Variants in MOXD1 observed in about 807,000 individuals in gnomAD.
MOXD1 encodes DBH-like monooxygenase protein 1.
A neutral mutation model predicts 66.6 loss-of-function variants in MOXD1; 62 were observed. The ratio of observed to expected loss-of-function variants is 0.93; its 90% CI spans 0.76 to 1.15. The LOEUF is 1.15. MOXD1 is among the 50% of genes most tolerant of loss of function. The pLI, the probability that MOXD1 is intolerant of heterozygous loss-of-function variation, is 0.00. For missense variants in MOXD1, 847 were observed against 754.6 expected (o/e 1.12, Z -1.44); for synonymous variants, 303 against 281.9 (o/e 1.07, Z -0.75).
At chr6:132,379,847 G>T (rs1427284170) in intron 1 of MOXD1, among the ~76,000 whole-genome samples, 3 of 151,986 alleles carry the variant, frequency 2.0e-5, no homozygotes, top group Non-Finnish European at 4.4e-5. Flanking sequence ...TTGAGACAGG[G>T]TCTCACTTTG....
intron 4 of MOXD1, among the ~76,000 whole-genome samples, chr6:132,334,915 A>G (rs1305892774): frequency 6.6e-6 from 1 of 152,238 alleles, no homozygotes; most frequent in African/African-American, 2.4e-5. Flanking sequence ...AACTTGAGCT[A>G]TACAGAGTGG....
chr6:132,378,793 A>G (rs1382463681), intron 1 of MOXD1, among the ~76,000 whole-genome samples: 1 of 148,266 alleles, frequency 6.7e-6, no homozygotes, highest in Non-Finnish European at 1.5e-5. Context: ...TTCACTTGGA[A>G]TTTTACCAAA....
At chr6:132,384,449 T>C (rs1050249154) in intron 1 of MOXD1, among the ~76,000 whole-genome samples, 2 of 152,218 alleles carry the variant, frequency 1.3e-5, no homozygotes, top group Non-Finnish European at 2.9e-5. Context: ...ATGGAACTTA[T>C]AGTTTAGTTG....
chr6:132,337,943 G>T (rs1303087325), intron 4 of MOXD1, among the ~76,000 whole-genome samples: 3 of 152,132 alleles, frequency 2.0e-5, no homozygotes, highest in African/African-American at 7.2e-5. Context: ...AGAAGTAGGA[G>T]TGTCCCAGAG....
intron 4 of MOXD1, among the ~76,000 whole-genome samples, chr6:132,351,177 G>A (rs541013126): frequency 6.6e-6 from 1 of 152,226 alleles, no homozygotes; most frequent in South Asian, 2.1e-4. Flanking sequence ...CCAGTACTAT[G>A]CTGAAGAGGG....
intron 4 of MOXD1, among the ~76,000 whole-genome samples, chr6:132,367,083 C>G (rs1163510717): frequency 6.6e-6 from 1 of 152,044 alleles, no homozygotes; most frequent in East Asian, 1.9e-4. Context: ...CTTCCTGTAG[C>G]AATTGATGAT....
intron 4 of MOXD1, among the ~76,000 whole-genome samples, chr6:132,337,778 C>A (rs976161014): frequency 6.6e-6 from 1 of 152,108 alleles, no homozygotes; most frequent in Non-Finnish European, 1.5e-5. Flanking sequence ...CTGTAAGGTA[C>A]CTTCTGTACC....
chr6:132,341,467 C>T (rs953147232), intron 4 of MOXD1, among the ~76,000 whole-genome samples: 3 of 152,162 alleles, frequency 2.0e-5, no homozygotes, highest in African/African-American at 7.2e-5. Flanking sequence ...TTGGAGAACA[C>T]TCTATTTCCC....
intron 4 of MOXD1, among the ~76,000 whole-genome samples, chr6:132,369,506 C>T (rs918032659): frequency 2.6e-5 from 4 of 151,918 alleles, no homozygotes; most frequent in Non-Finnish European, 5.9e-5. Context: ...GAGCTTTCTC[C>T]TTTTCACTTA....
chr6:132,358,381 CTA>C (rs2114637129), intron 4 of MOXD1, among the ~76,000 whole-genome samples: 1 of 152,350 alleles, frequency 6.6e-6, no homozygotes, highest in Non-Finnish European at 1.5e-5. Flanking sequence ...GGTTCCCACT[CTA>C]TGTTTACCAC....
In MOXD1 at chr6:132,324,018, G is replaced by C. The variant is rs150516086; in HGVS notation, c.1026C>G (p.Gly342=). ...RKYDAGVIEA[G]LWVSLFHTIP... ...TGGTATGGAAGAGGCTCACCCAGAG[G>C]CCAGCCTCAATCACCCCAGCATCAT... The change falls in exon 7 of 12, where the codon GGC becomes GGG. Residue 342 remains glycine, a synonymous_variant. Coordinates refer to ENST00000367963, the MANE Select transcript of MOXD1 (RefSeq NM_015529.4). 2,084 of 1,613,758 alleles carry C rather than the reference G, an allele frequency of 1.3e-3. 1 individual carries two copies. The highest frequency in any genetic ancestry group is 1.7e-3 in the Non-Finnish European group (1,977 of 1,179,882).
chr6:132,313,787 C>A (rs959961096), intron 10 of MOXD1, among the ~76,000 whole-genome samples: 1 of 151,868 alleles, frequency 6.6e-6, no homozygotes, highest in Non-Finnish European at 1.5e-5. Context: ...TGGTGGCGAG[C>A]GCCTGTAATC....
intron 4 of MOXD1, among the ~76,000 whole-genome samples, chr6:132,372,127 T>C (rs1355126119): frequency 6.6e-6 from 1 of 152,228 alleles, no homozygotes; most frequent in Non-Finnish European, 1.5e-5. Flanking sequence ...ATTCTGTATT[T>C]CTTTATTTCT....
intron 9 of MOXD1, among the ~76,000 whole-genome samples, chr6:132,316,517 A>T (rs984037027): frequency 6.6e-6 from 1 of 152,146 alleles, no homozygotes; most frequent in Non-Finnish European, 1.5e-5. Flanking sequence ...TGTCTCAAAA[A>T]TGAGTGAACA....
At chr6:132,328,843 C>T (rs1427317718) in intron 4 of MOXD1, among the ~76,000 whole-genome samples, 2 of 152,110 alleles carry the variant, frequency 1.3e-5, no homozygotes, top group African/African-American at 2.4e-5. Context: ...CTTTACTAAT[C>T]GGCTTTTTTT....
chr6:132,297,404 A>G lies in MOXD1; in HGVS notation c.1678-87T>C, dbSNP rs894797424. ...GCCGCTCAGCTGCCCACACTTCTGC[A>G]GGGGATAAAGGGGGCAGGAGTGGTT... On this transcript the variant is annotated intron_variant, in intron 11 of 11. Transcript: ENST00000367963. 9 of 1,344,286 alleles carry G rather than the reference A, an allele frequency of 6.7e-6. No individual in the cohort carries two copies. In the African/African-American group the frequency reaches 1.3e-4, roughly 19 times the overall value. The allele number at this position is 1,344,286 out of a possible 1,614,324, so 83.3% of individuals were successfully genotyped here. A position where few individuals can be genotyped will look rare whatever the true frequency, so the allele number is the denominator to read the frequency against.
chr6:132,327,097 C>G (rs550733930), intron 6 of MOXD1, among the ~76,000 whole-genome samples: 1 of 152,274 alleles, frequency 6.6e-6, no homozygotes, highest in Admixed American at 6.5e-5. Context: ...GCACCCTAAC[C>G]CTTCAGCATC....
At chr6:132,311,138 C>G (rs937122116) in intron 10 of MOXD1, among the ~76,000 whole-genome samples, 4 of 151,994 alleles carry the variant, frequency 2.6e-5, no homozygotes, top group Non-Finnish European at 5.9e-5. Flanking sequence ...AAATATGACC[C>G]TAAAATATCA....
chr6:132,364,687 G>A (rs551432363), intron 4 of MOXD1, among the ~76,000 whole-genome samples: 2 of 152,246 alleles, frequency 1.3e-5, no homozygotes, highest in East Asian at 3.9e-4. Flanking sequence ...GACTTAAGAG[G>A]TATCTGAAAA....
Sources: allele counts gnomAD v4.1 joint callset (sites outside exome capture counted in the v4.1 genomes callset), GRCh38; gene constraint gnomAD v4.1.1; transcripts MANE v1.5; gene names NCBI Gene and HGNC (gene_info 2026-07-23, HGNC 2026-07-21).